Variants in OR2L13 observed in about 807,000 individuals in gnomAD.
OR2L13 encodes olfactory receptor family 2 subfamily L member 13.
In OR2L13, 14 loss-of-function variants were observed where a neutral mutation model predicts 15.3. The ratio of observed to expected loss-of-function variants is 0.91; its 90% CI spans 0.60 to 1.43. The LOEUF is 1.43. Among genes scored for constraint, OR2L13 ranks in the 40% most tolerant of loss-of-function variants. The probability of loss-of-function intolerance (pLI) is 0.00; values close to 1 mark genes in which losing one functional copy is unlikely to be tolerated. For missense variants in OR2L13, 367 were observed against 387.9 expected, an observed-to-expected ratio of 0.95 and a Z score of 0.45; for synonymous variants, 152 against 142.9, an observed-to-expected ratio of 1.06 and a Z score of -0.45.
At chr1:247,979,834 G>C in the OR2L13 span, among the ~76,000 whole-genome samples, 1 of 152,108 alleles carries the variant, frequency 6.6e-6, no homozygotes, top group Non-Finnish European at 1.5e-5. Flanking sequence ...CAAAGGCATG[G>C]TTTAAAAGGT....
the OR2L13 span, among the ~76,000 whole-genome samples, chr1:247,981,452 C>T: frequency 3.9e-5 from 6 of 151,968 alleles, no homozygotes; most frequent in African/African-American, 1.5e-4. Context: ...TATGGTTATC[C>T]AGATTTTGTT....
the OR2L13 span, chr1:248,061,026 A>G: frequency 6.2e-7 from 1 of 1,614,054 alleles, no homozygotes; most frequent in African/African-American, 1.3e-5. Context: ...TACTTTTGGC[A>G]TCTATGGCCT....
At chr1:248,061,299 C>G in the OR2L13 span, 1 of 1,612,460 alleles carries the variant, frequency 6.2e-7, no homozygotes, top group Admixed American at 1.7e-5. Context: ...CCATCTTTCT[C>G]GTGTTTCCCT....
chr1:248,084,774 C>A, the OR2L13 span, among the ~76,000 whole-genome samples: 2 of 152,250 alleles, frequency 1.3e-5, no homozygotes, highest in Admixed American at 1.3e-4. Flanking sequence ...TCCAGAAAGG[C>A]AGTGCCAAGG....
the OR2L13 span, among the ~76,000 whole-genome samples, chr1:248,057,184 T>G: frequency 6.6e-6 from 1 of 152,154 alleles, no homozygotes; most frequent in African/African-American, 2.4e-5. Flanking sequence ...GTTCAAGTCC[T>G]GAATATCTTT....
At chr1:248,022,755 G>A in the OR2L13 span, 1 of 1,613,980 alleles carries the variant, frequency 6.2e-7, no homozygotes, top group African/African-American at 1.3e-5. Flanking sequence ...TCTGACAGAG[G>A]ACAAGGTTCT....
the OR2L13 span, among the ~76,000 whole-genome samples, chr1:248,080,058 A>C: frequency 6.6e-6 from 1 of 152,260 alleles, no homozygotes; most frequent in South Asian, 2.1e-4. Context: ...TTCCTTTGTG[A>C]AGGTATCGAC....
chr1:248,028,420 T>A, the OR2L13 span, among the ~76,000 whole-genome samples: 774 of 152,306 alleles, frequency 5.1e-3, 6 homozygotes, highest in African/African-American at 0.017. Flanking sequence ...CATAAATGGT[T>A]ATCACCTGAA....
chr1:248,040,546 A>G, the OR2L13 span: 1 of 152,236 alleles, frequency 6.6e-6, no homozygotes, highest in African/African-American at 2.4e-5. Flanking sequence ...GAAGACAACA[A>G]TGATGAAGAA....
upstream of OR2L13, among the ~76,000 whole-genome samples, chr1:248,096,964 A>G (rs566971817): frequency 1.6e-4 from 25 of 152,148 alleles, no homozygotes; most frequent in Non-Finnish European, 3.7e-4. Flanking sequence ...TCTACGTGCT[A>G]TGGGGGCTCT....
At chr1:248,099,978 T>G in exon 3 of OR2L13, 1 of 1,614,144 alleles carries the variant, frequency 6.2e-7, no homozygotes. Flanking sequence ...TTTTTGTAAG[T>G]ACAAGCCTCT....
At chr1:247,978,204 G>C in the OR2L13 span, among the ~76,000 whole-genome samples, 1 of 152,174 alleles carries the variant, frequency 6.6e-6, no homozygotes, top group African/African-American at 2.4e-5. Context: ...CCAAGTCAGT[G>C]AGACCACGAA....
At chr1:247,993,955 C>T in the OR2L13 span, among the ~76,000 whole-genome samples, 1 of 152,158 alleles carries the variant, frequency 6.6e-6, no homozygotes, top group Non-Finnish European at 1.5e-5. Context: ...CATTAACGAA[C>T]ACAATGTGTG....
At chr1:248,039,252 T>C in the OR2L13 span, 28 of 1,541,766 alleles carry the variant, frequency 1.8e-5, no homozygotes, top group East Asian at 6.7e-5. Context: ...CATATCAACT[T>C]AGTAGTGTAC....
At chr1:247,982,113 C>T in the OR2L13 span, among the ~76,000 whole-genome samples, 1 of 152,158 alleles carries the variant, frequency 6.6e-6, no homozygotes, top group East Asian at 1.9e-4. Context: ...CCGCGCCTGG[C>T]CCATAATAAC....
At chr1:248,086,013 T>TA in the OR2L13 span, among the ~76,000 whole-genome samples, 2 of 146,512 alleles carry the variant, frequency 1.4e-5, no homozygotes, top group Admixed American at 6.6e-5. Flanking sequence ...TTGAACTTTC[T>TA]AAAAAGATTA....
upstream of OR2L13, among the ~76,000 whole-genome samples, chr1:248,097,012 C>A (rs912359439): frequency 1.3e-5 from 2 of 152,182 alleles, no homozygotes; most frequent in Non-Finnish European, 2.9e-5. Context: ...ATTAACCTAT[C>A]AATCCCCTAA....
At chr1:247,981,633 A>G in the OR2L13 span, among the ~76,000 whole-genome samples, 1 of 152,216 alleles carries the variant, frequency 6.6e-6, no homozygotes, top group Non-Finnish European at 1.5e-5. Flanking sequence ...TGTGGAAACA[A>G]TGTGAAGGCT....
the OR2L13 span, among the ~76,000 whole-genome samples, chr1:247,982,506 GAT>G: frequency 2.0e-4 from 30 of 152,160 alleles, no homozygotes; most frequent in African/African-American, 2.7e-4. Flanking sequence ...AAAAGATAGT[GAT>G]ATGTAATTCA....
Sources: allele counts gnomAD v4.1 joint callset (sites outside exome capture counted in the v4.1 genomes callset), GRCh38; gene constraint gnomAD v4.1.1; transcripts MANE v1.5; gene names NCBI Gene and HGNC (gene_info 2026-07-23, HGNC 2026-07-21).